The following ATG16L1 variants were observed in gnomAD, a reference collection of about 807,000 sequenced individuals.
The protein encoded by ATG16L1 is autophagy-related protein 16-1.
ATG16L1 carries 37 observed loss-of-function variants against 88.5 expected under a neutral mutation model. The ratio of observed to expected loss-of-function variants is 0.42; its 90% CI spans 0.32 to 0.55. The LOEUF (loss-of-function observed/expected upper bound fraction) is 0.55. Among genes scored for constraint, ATG16L1 ranks in the 20% least tolerant of loss-of-function variants. ATG16L1 has a pLI of 0.13. For missense variants in ATG16L1, 554 were observed against 752.8 expected, an observed-to-expected ratio of 0.74 and a Z score of 3.09; for synonymous variants, 301 against 281.0, an observed-to-expected ratio of 1.07 and a Z score of -0.71.
chr2:233,289,175 C>G (rs572497322), intron 12 of ATG16L1, among the ~76,000 whole-genome samples: 10 of 152,232 alleles, frequency 6.6e-5, no homozygotes, highest in South Asian at 4.1e-4. Context: ...ATTTCAAATT[C>G]AAGATTGAGG....
At position 233,264,908 on chromosome 2, in the gene ATG16L1, C is replaced by T. The variant is rs1414504635; in HGVS notation, c.406C>T (p.Gln136Ter). The T allele has an allele frequency of 6.2e-7, 1 of 1,613,980 alleles. No individual in the cohort carries two copies. The highest frequency in any genetic ancestry group is 2.2e-5 in the East Asian group (1 of 44,890). ...MNEAKIAECL[Q>*]TISDLETECL... Reference sequence around the variant, plus strand: ...TGCTTCCAGAATTGCAGAATGTTTGCAGACTATCTCTGACCTGGAGACGGA... The same window carrying T: ...TGCTTCCAGAATTGCAGAATGTTTGTAGACTATCTCTGACCTGGAGACGGA... The change falls in exon 5 of 18, where the codon CAG becomes TAG. Residue 136 changes from glutamine to a stop codon, truncating the protein, a stop_gained. Transcript: ENST00000392017. LOFTEE classifies it high-confidence loss of function.
Position 233,276,645 on chromosome 2 carries a change from G to A in ATG16L1, c.955-923G>A, listed in dbSNP as rs1160517774. Among the ~76,000 whole-genome samples, 9 of 152,162 alleles carry A rather than the reference G, an allele frequency of 5.9e-5. No homozygotes were observed. In the South Asian group the frequency reaches 1.7e-3, roughly 28 times the overall value. ...GCGCTACCACACCTGGCTAATTTTT[G>A]TTTTTTAGTTTTTAAGAGACGAGGT... On this transcript the variant is annotated intron_variant, in intron 9 of 17. Coordinates refer to ENST00000392017, the MANE Select transcript of ATG16L1 (RefSeq NM_030803.7).
At chr2:233,279,747 A>G (rs142851869) in intron 10 of ATG16L1, among the ~76,000 whole-genome samples, 1 of 152,188 alleles carries the variant, frequency 6.6e-6, no homozygotes, top group East Asian at 1.9e-4. Context: ...CTGTTGACAT[A>G]GCACCCCCCG....
rs982656349 is a variant in ATG16L1, at chr2:233,295,284, T to C, written c.*934T>C. On this transcript the variant is annotated 3_prime_UTR_variant, in exon 18 of 18. Coordinates refer to ENST00000392017, the MANE Select transcript of ATG16L1 (RefSeq NM_030803.7). ...CGCCATCTTTCCGTTTCAGGGGTTG[T>C]GATGAAGGCCAAGGAAAAACATTTA... is the stretch of plus-strand genomic sequence containing the variant. The C allele has an allele frequency of 2.0e-5, 3 of 152,962 alleles. No individual in the cohort carries two copies. In the East Asian group the frequency reaches 5.6e-4, roughly 29 times the overall value. 9.5% of individuals were successfully genotyped at this position (152,962 alleles called of 1,614,324 possible).
Position 233,251,794 on chromosome 2 carries a change from T to G in ATG16L1, c.-34T>G. Reference sequence around the variant, plus strand: ...CTGCGGCCGTCAGCCCTCGCTCGCATTGGTGGCGCTGAGGTGCCGGGGCAG... The same window carrying G: ...CTGCGGCCGTCAGCCCTCGCTCGCAGTGGTGGCGCTGAGGTGCCGGGGCAG... On this transcript the variant is annotated 5_prime_UTR_variant, in exon 1 of 18. Coordinates refer to ENST00000392017, the MANE Select transcript of ATG16L1 (RefSeq NM_030803.7). 1 of 1,537,266 alleles carries G rather than the reference T, an allele frequency of 6.5e-7. No homozygotes were observed. Among genetic ancestry groups the G allele is most frequent in the South Asian group, 1.2e-5 (1 of 83,770 alleles).
chr2:233,260,364 G>T (rs1270072592), intron 2 of ATG16L1, among the ~76,000 whole-genome samples: 1 of 152,198 alleles, frequency 6.6e-6, no homozygotes, highest in Admixed American at 6.5e-5. Flanking sequence ...AAACTCTGGG[G>T]GTGGGGCCTG....
intron 5 of ATG16L1, among the ~76,000 whole-genome samples, chr2:233,268,702 A>G (rs554411849): frequency 3.9e-5 from 6 of 152,334 alleles, no homozygotes; most frequent in Non-Finnish European, 7.4e-5. Context: ...TGTCTCTACC[A>G]GCTAAGACAA....
Position 233,270,027 on chromosome 2 carries a change from G to A in ATG16L1, c.667G>A (p.Glu223Lys), listed in dbSNP as rs1193444382. ...GAGGCGGCAAGCCCGGCTGCAGAAA[G>A]AGCTTGCAGAAGCAGCAAAGGAACC... ...SRRRQARLQK[E>K]LAEAAKEPLP... Residue 223 changes from glutamate to lysine, a missense_variant, in exon 6 of 18, where the codon GAG (glutamate) becomes AAG (lysine). Glu to Lys is a moderately conservative substitution (Grantham distance 56). This residue lies in a region of ATG16L1 where 370 missense variants were observed against 509.7 expected (regional missense o/e 0.73). Coordinates refer to ENST00000392017, the MANE Select transcript of ATG16L1 (RefSeq NM_030803.7). 6.3e-7 allele frequency: 1 copy of A among 1,583,420 alleles called. No individual in the cohort carries two copies. The highest frequency in any genetic ancestry group is 8.6e-7 in the Non-Finnish European group (1 of 1,167,812).
intron 6 of ATG16L1, among the ~76,000 whole-genome samples, chr2:233,271,207 G>C (rs1410262141): frequency 6.6e-6 from 1 of 152,166 alleles, no homozygotes; most frequent in Non-Finnish European, 1.5e-5. Context: ...TGAGCATCCT[G>C]CCCAAGATCA....
In ATG16L1 at chr2:233,294,551, C is replaced by T. The variant is rs1260001550; in HGVS notation, c.*201C>T. On this transcript the variant is annotated 3_prime_UTR_variant, in exon 18 of 18. Coordinates refer to ENST00000392017, the MANE Select transcript of ATG16L1 (RefSeq NM_030803.7). ...TCTCTCTTGGCCTGGAAGAATAACACTGAAAAAACCTGACGCTGCGGTCAC... is the reference window on the plus strand; with the variant it reads ...TCTCTCTTGGCCTGGAAGAATAACATTGAAAAAACCTGACGCTGCGGTCAC... 4 of 444,694 alleles carry T rather than the reference C, an allele frequency of 9.0e-6. No individual in the cohort carries two copies. The highest frequency in any genetic ancestry group is 2.0e-5 in the African/African-American group (1 of 49,188). 27.5% of individuals were successfully genotyped at this position (444,694 alleles called of 1,614,324 possible). A position where few individuals can be genotyped will look rare whatever the true frequency, so the allele number is the denominator to read the frequency against.
intron 2 of ATG16L1, among the ~76,000 whole-genome samples, chr2:233,262,464 G>A (rs149683679): frequency 1.0e-3 from 159 of 152,120 alleles, no homozygotes; most frequent in African/African-American, 3.7e-3. Context: ...TCCCCACCTC[G>A]TCCTTGACCG....
At chr2:233,278,532 G>A (rs1252118509) in intron 10 of ATG16L1, among the ~76,000 whole-genome samples, 2 of 152,130 alleles carry the variant, frequency 1.3e-5, no homozygotes, top group Admixed American at 6.6e-5. Context: ...TAGAGATTGC[G>A]CCATTTCACA....
In ATG16L1 at chr2:233,253,446, A is replaced by G. The variant is rs181609810; in HGVS notation, c.115+1504A>G. 7.5e-5 allele frequency among the ~76,000 whole-genome samples: 11 copies of G among 147,440 alleles called. No homozygotes were observed. The East Asian group carries it at 1.6e-3, about 22-fold the overall frequency. On this transcript the variant is annotated intron_variant, in intron 1 of 17. Transcript: ENST00000392017. The stretch of plus-strand genomic sequence containing the variant: ...CTGCAACCTCCACCTCCCAGGTTCA[A>G]GAGATCCTCCTGCCTCAGCCTCCCT...
chr2:233,268,492 A>G (rs1276116941), intron 5 of ATG16L1, among the ~76,000 whole-genome samples: 1 of 152,194 alleles, frequency 6.6e-6, no homozygotes, highest in African/African-American at 2.4e-5. Flanking sequence ...AGCTATAGTG[A>G]TGAATCCCTG....
At chr2:233,270,365 C>A (rs888327156) in intron 6 of ATG16L1, among the ~76,000 whole-genome samples, 7 of 152,184 alleles carry the variant, frequency 4.6e-5, no homozygotes, top group Non-Finnish European at 1.0e-4. Context: ...TAATTTCTCA[C>A]AAATCATGTA....
Position 233,294,558 on chromosome 2 carries a change from A to T in ATG16L1, c.*208A>T, listed in dbSNP as rs1451914458. ...TGGCCTGGAAGAATAACACTGAAAA[A>T]ACCTGACGCTGCGGTCACTTAGCAG... On this transcript the variant is annotated 3_prime_UTR_variant, in exon 18 of 18. Coordinates refer to ENST00000392017, the MANE Select transcript of ATG16L1 (RefSeq NM_030803.7). 2.3e-6 allele frequency: 1 copy of T among 433,582 alleles called. No individual in the cohort carries two copies. Among genetic ancestry groups the T allele is most frequent in the African/African-American group, 2.0e-5 (1 of 49,064 alleles). The allele number at this position is 433,582 out of a possible 1,614,324, so 26.9% of individuals were successfully genotyped here.
At chr2:233,272,216 G>A (rs1389896110) in intron 6 of ATG16L1, among the ~76,000 whole-genome samples, 2 of 152,074 alleles carry the variant, frequency 1.3e-5, no homozygotes, top group South Asian at 4.2e-4. Context: ...TAGGAAAGAC[G>A]TGGCCCAGAA....
chr2:233,280,380 C>T (rs1028736556), intron 10 of ATG16L1, among the ~76,000 whole-genome samples: 6 of 152,072 alleles, frequency 3.9e-5, no homozygotes, highest in Non-Finnish European at 5.9e-5. Flanking sequence ...TGGGATTGCC[C>T]GTTACTGAAA....
intron 12 of ATG16L1, among the ~76,000 whole-genome samples, chr2:233,286,620 A>ATTTTTTTTT (rs1699093707): frequency 1.3e-5 from 1 of 75,486 alleles, no homozygotes; most frequent in African/African-American, 5.4e-5. Flanking sequence ...AGAAGCCCAA[A>ATTTTTTTTT]CTTTTTTTTT....
Sources: allele counts gnomAD v4.1 joint callset (sites outside exome capture counted in the v4.1 genomes callset), GRCh38; gene constraint gnomAD v4.1.1; regional missense constraint gnomAD v4.1.1; transcripts MANE v1.5; gene names NCBI Gene and HGNC (gene_info 2026-07-23, HGNC 2026-07-21).